The following NAALADL2 variants were observed in gnomAD, a reference collection of about 807,000 sequenced individuals.
The protein encoded by NAALADL2 is inactive N-acetylated-alpha-linked acidic dipeptidase-like protein 2.
A neutral mutation model predicts 87.2 loss-of-function variants in NAALADL2; 76 were observed. The observed-to-expected ratio is 0.87, with a 90% confidence interval of 0.72 to 1.05. The LOEUF (loss-of-function observed/expected upper bound fraction) is 1.05, where lower values mean the gene tolerates loss of function less well. NAALADL2 is among the 50% of genes least tolerant of loss of function. NAALADL2 has a pLI of 0.00. For synonymous variants in NAALADL2, 354 were observed against 331.0 expected (o/e 1.07, Z -0.75); for missense variants, 1,089 against 945.8 (o/e 1.15, Z -1.99).
At chr3:174,517,732 C>T (rs931830878) in intron 1 of NAALADL2, among the ~76,000 whole-genome samples, 2 of 152,094 alleles carry the variant, frequency 1.3e-5, no homozygotes, top group Non-Finnish European at 2.9e-5. Flanking sequence ...ATTACTCCTA[C>T]ATTGATGATA....
chr3:175,463,317 G>A, intron 6 of NAALADL2, 84 bp from the exon 7 acceptor site: 1 of 802,926 alleles, frequency 1.2e-6, no homozygotes, highest in Non-Finnish European at 1.9e-6. Context: ...TTTTGCTGAT[G>A]ATATTGGATA....
At chr3:174,462,369 C>G (rs1353225576) in intron 1 of NAALADL2, among the ~76,000 whole-genome samples, 1 of 152,084 alleles carries the variant, frequency 6.6e-6, no homozygotes, top group African/African-American at 2.4e-5. Context: ...TTAGTTTTCA[C>G]AAATCTGTTG....
At chr3:174,511,157 A>G (rs1407455615) in intron 1 of NAALADL2, among the ~76,000 whole-genome samples, 2 of 152,060 alleles carry the variant, frequency 1.3e-5, no homozygotes, top group Non-Finnish European at 2.9e-5. Flanking sequence ...TAAATACGGA[A>G]TGGGCTACAA....
At chr3:174,942,418 C>T (rs945537364) in intron 1 of NAALADL2, among the ~76,000 whole-genome samples, 1 of 152,156 alleles carries the variant, frequency 6.6e-6, no homozygotes, top group East Asian at 1.9e-4. Flanking sequence ...GCCTTATAGG[C>T]TTCCCTTTGC....
chr3:174,828,564 TAAAAC>T (rs963323240), intron 3 of NAALADL2, among the ~76,000 whole-genome samples: 7 of 152,164 alleles, frequency 4.6e-5, no homozygotes, highest in East Asian at 1.9e-4. Flanking sequence ...TGAAACTAAT[TAAAAC>T]AAAACAAAAC....
intron 2 of NAALADL2, among the ~76,000 whole-genome samples, chr3:175,230,805 CTG>C (rs1744838735): frequency 6.6e-6 from 1 of 152,070 alleles, no homozygotes; most frequent in Admixed American, 6.6e-5. Flanking sequence ...GGAAGTAGAA[CTG>C]TCATAAAAAG....
chr3:175,615,933 TTATG>T (rs1725290923), intron 10 of NAALADL2, among the ~76,000 whole-genome samples: 1 of 146,998 alleles, frequency 6.8e-6, no homozygotes, highest in Non-Finnish European at 1.5e-5. Flanking sequence ...TTACATATGA[TTATG>T]TATGTTATAT....
At chr3:175,401,350 A>T (rs1341599615) in intron 5 of NAALADL2, among the ~76,000 whole-genome samples, 1 of 152,072 alleles carries the variant, frequency 6.6e-6, no homozygotes. Flanking sequence ...TTTAACTCTT[A>T]CTCAAAATGT....
chr3:175,004,228 G>A (rs1033835628), intron 1 of NAALADL2, among the ~76,000 whole-genome samples: 1 of 151,836 alleles, frequency 6.6e-6, no homozygotes, highest in Admixed American at 6.6e-5. Context: ...AAGTAAGTAA[G>A]TAAATAAATA....
chr3:175,587,645 G>A (rs1720727524), intron 10 of NAALADL2, among the ~76,000 whole-genome samples: 1 of 152,024 alleles, frequency 6.6e-6, no homozygotes, highest in Admixed American at 6.5e-5. Context: ...AAAATTTAAT[G>A]TTCTTAGACT....
intron 1 of NAALADL2, among the ~76,000 whole-genome samples, chr3:175,041,960 T>C (rs1754121320): frequency 6.6e-6 from 1 of 152,274 alleles, no homozygotes; most frequent in South Asian, 2.1e-4. Context: ...CCTGCTCTTA[T>C]ATTTCAACTG....
chr3:175,639,892 G>A (rs576121774), intron 11 of NAALADL2, among the ~76,000 whole-genome samples: 7 of 152,128 alleles, frequency 4.6e-5, no homozygotes, highest in African/African-American at 1.7e-4. Context: ...TAGCAATCTT[G>A]GCTAATCCTC....
chr3:175,320,663 A>G (rs1759736118), intron 4 of NAALADL2, among the ~76,000 whole-genome samples: 2 of 152,190 alleles, frequency 1.3e-5, no homozygotes, highest in Admixed American at 6.5e-5. Flanking sequence ...CTTTAGGGAA[A>G]GACATAATGG....
At chr3:175,317,514 C>T (rs879812024) in intron 4 of NAALADL2, among the ~76,000 whole-genome samples, 7 of 151,926 alleles carry the variant, frequency 4.6e-5, no homozygotes, top group Non-Finnish European at 8.8e-5. Context: ...AAATATTTGG[C>T]CATCCCGCTG....
rs904432292 is a variant in NAALADL2 at position 174,551,914 on chromosome 3, C to T, written c.-115+1277C>T. Among the ~76,000 whole-genome samples, 4 of 152,252 alleles carry T rather than the reference C, an allele frequency of 2.6e-5. 1 individual carries two copies. In the South Asian group the frequency reaches 6.2e-4, roughly 24 times the overall value. On this transcript the variant is annotated intron_variant, in intron 2 of 3. Coordinates refer to the NAALADL2 transcript ENST00000434257. The stretch of plus-strand genomic sequence containing the variant: ...CATTGGCTTTGGTATCCACGGTCCT[C>T]GGGTCAAATTCTGCCACTGCTACAT...
intron 2 of NAALADL2, among the ~76,000 whole-genome samples, chr3:174,683,156 C>G (rs6770437): frequency 0.02 from 3,089 of 152,050 alleles, 88 homozygotes; most frequent in African/African-American, 0.071. Flanking sequence ...ATTGATCCAG[C>G]AGAATAAAGA....
At chr3:174,537,592 T>C (rs967589112) in intron 1 of NAALADL2, among the ~76,000 whole-genome samples, 1 of 152,072 alleles carries the variant, frequency 6.6e-6, no homozygotes, top group Non-Finnish European at 1.5e-5. Context: ...AAGTACAACA[T>C]AGTGTGATAA....
intron 3 of NAALADL2, among the ~76,000 whole-genome samples, chr3:175,237,827 C>A (rs1229351308): frequency 6.6e-6 from 1 of 152,000 alleles, no homozygotes; most frequent in African/African-American, 2.4e-5. Context: ...GCATATGGGA[C>A]AATTGGGATA....
chr3:175,744,094 C>A (rs1456933460), intron 12 of NAALADL2, among the ~76,000 whole-genome samples: 1 of 152,132 alleles, frequency 6.6e-6, no homozygotes, highest in Admixed American at 6.6e-5. Flanking sequence ...AGGGGAGAAC[C>A]AGGTTTCAAC....
Sources: allele counts gnomAD v4.1 joint callset (sites outside exome capture counted in the v4.1 genomes callset), GRCh38; gene constraint gnomAD v4.1.1; transcripts MANE v1.5; gene names NCBI Gene and HGNC (gene_info 2026-07-23, HGNC 2026-07-21).